LIPA: variants seen among roughly 807,000 people sequenced by gnomAD.
LIPA encodes lysosomal acid lipase/cholesteryl ester hydrolase.
LIPA carries 26 observed loss-of-function variants against 40.6 expected under a neutral mutation model. The observed-to-expected ratio is 0.64, with a 90% CI of 0.47 to 0.89. The LOEUF (loss-of-function observed/expected upper bound fraction) is 0.89. Among genes scored for constraint, LIPA ranks in the 40% least tolerant of loss-of-function variants. The probability of loss-of-function intolerance (pLI) is 0.00; values close to 1 mark genes in which losing one functional copy is unlikely to be tolerated. For synonymous variants in LIPA, 188 were observed against 168.4 expected (o/e 1.12, Z -0.90); for missense variants, 455 against 479.6 (o/e 0.95, Z 0.48).
At chr10:89,318,401 C>G (rs879669769) in intron 1 of LIPA, among the ~76,000 whole-genome samples, 3 of 152,032 alleles carry the variant, frequency 2.0e-5, no homozygotes, top group East Asian at 1.9e-4. Context: ...ATAAAAAAAG[C>G]AGGGTTGCAA....
At chr10:89,397,291 A>G (rs1844357962) in intron 2 of LIPA, among the ~76,000 whole-genome samples, 1 of 150,650 alleles carries the variant, frequency 6.6e-6, no homozygotes, top group Admixed American at 6.6e-5. Flanking sequence ...GAGGAGTGGA[A>G]TTACTTTGTT....
chr10:89,379,596 G>T (rs1018867560), intron 2 of LIPA, among the ~76,000 whole-genome samples: 5 of 152,140 alleles, frequency 3.3e-5, no homozygotes, highest in African/African-American at 1.2e-4. Context: ...GAACTTTACA[G>T]AAAAAGGGGC....
At position 89,259,707 on chromosome 10, in the gene LIPA, AG is replaced by A. The variant is rs146414806; in HGVS notation, c.-1-12059del. Among the ~76,000 whole-genome samples, 1,471 of 152,372 alleles carry A rather than the reference AG, an allele frequency of 9.7e-3. 23 individuals are homozygous for A. Among genetic ancestry groups the A allele is most frequent in the African/African-American group, 0.034 (1,404 of 41,582 alleles). On this transcript the variant is annotated intron_variant, in intron 1 of 5. Transcript: ENST00000282673. Reference sequence around the variant, plus strand: ...CAATGGAATATTACTCTGCAATAAAAGAATAATGATCTTCTGATGCACACAG... The same window carrying A: ...CAATGGAATATTACTCTGCAATAAAAAATAATGATCTTCTGATGCACACAG...
At chr10:89,371,025 C>A (rs1844088686) in intron 2 of LIPA, among the ~76,000 whole-genome samples, 1 of 149,356 alleles carries the variant, frequency 6.7e-6, no homozygotes, top group Non-Finnish European at 1.5e-5. Context: ...CTCAAAAAAA[C>A]AAACAAACAA....
intron 1 of LIPA, among the ~76,000 whole-genome samples, chr10:89,267,796 C>T (rs1440648172): frequency 6.6e-6 from 1 of 151,376 alleles, no homozygotes; most frequent in Non-Finnish European, 1.5e-5. Context: ...TCACTTTCTC[C>T]ATCCTTTCAA....
chr10:89,262,817 C>T lies in LIPA; in HGVS notation c.-1-15168G>A, dbSNP rs75630382. Among the ~76,000 whole-genome samples, 18 of 152,340 alleles carry T rather than the reference C, an allele frequency of 1.2e-4. No homozygotes were observed. In the East Asian group the frequency reaches 3.1e-3, roughly 26 times the overall value. ...ATATTTGTAGTAAATTTCATCAAAA[C>T]AATTCCAAACTCTTTCCTCACATTT... is the stretch of plus-strand genomic sequence containing the variant. On this transcript the variant is annotated intron_variant, in intron 1 of 5. Coordinates refer to the LIPA transcript ENST00000282673.
rs116636781 is a variant in LIPA at position 89,363,023 on chromosome 10, T to C, written c.61+49768A>G. The C allele has an allele frequency of 3.2e-3, 776 of 244,698 alleles. 2 individuals carry two copies. The highest frequency in any genetic ancestry group is 0.017 in the African/African-American group (738 of 44,202). The allele number at this position is 244,698 out of a possible 1,614,324, so 15.2% of individuals were successfully genotyped here. On this transcript the variant is annotated intron_variant, in intron 2 of 8. Coordinates refer to the LIPA transcript ENST00000371837. The stretch of plus-strand genomic sequence containing the variant: ...AGGAAGCTGAAGGAGAAAAGCACAC[T>C]GAAAAAGCTCTAATCAGTATGTCTT...
chr10:89,293,605 G>C (rs1843389624), intron 1 of LIPA: 1 of 151,564 alleles, frequency 6.6e-6, no homozygotes, highest in Non-Finnish European at 1.5e-5. Context: ...GTTGGTTTCT[G>C]GTGAGACCTC....
At chr10:89,254,219 C>A (rs1032142611), upstream of LIPA, among the ~76,000 whole-genome samples, 26 of 152,202 alleles carry the variant, frequency 1.7e-4, no homozygotes, top group African/African-American at 6.0e-4. Context: ...TCCTTGAGGG[C>A]CCCACCCCTG....
At position 89,359,140 on chromosome 10, in the gene LIPA, G is replaced by A. The variant is rs181200399; in HGVS notation, c.61+53651C>T. On this transcript the variant is annotated intron_variant, in intron 2 of 8. Transcript: ENST00000371837. The stretch of plus-strand genomic sequence containing the variant: ...TGGAGAGGAGCAGCCCAACCCGTCC[G>A]TGATCTTGGGCCTCTGAGAATAGAG... 5.8e-4 allele frequency among the ~76,000 whole-genome samples: 89 copies of A among 152,254 alleles called. 1 individual carries two copies. Among genetic ancestry groups the A allele is most frequent in the Admixed American group, 9.8e-4 (15 of 15,292 alleles).
intron 7 of LIPA, 81 bp downstream of exon 7, chr10:89,223,603 C>G (rs970357019): frequency 1.7e-5 from 20 of 1,164,454 alleles, no homozygotes; most frequent in Non-Finnish European, 2.5e-5. Flanking sequence ...AGGTCATTCC[C>G]ACCTCTCCCA....
chr10:89,332,756 C>T (rs1843669222), intron 1 of LIPA: 2 of 961,910 alleles, frequency 2.1e-6, no homozygotes, highest in East Asian at 2.5e-5. Context: ...TCTGCCTTAC[C>T]AATTCATGCA....
intron 1 of LIPA, chr10:89,306,083 GAGTTT>G (rs757858961): frequency 2.5e-6 from 4 of 1,614,150 alleles, no homozygotes; most frequent in Non-Finnish European, 1.7e-6. Context: ...TTACCGGACT[GAGTTT>G]CAGAATCGTG....
rs577955544 is a variant in LIPA, at chr10:89,310,676, C to G, written c.-2+31935G>C. Among the ~76,000 whole-genome samples the G allele has an allele frequency of 5.3e-5, 8 of 152,302 alleles. No homozygotes were observed. The South Asian group carries it at 1.7e-3, about 32-fold the overall frequency. On this transcript the variant is annotated intron_variant, in intron 1 of 5. Coordinates refer to the LIPA transcript ENST00000282673. ...GCACTTGTAAGAGAGGCATTCTCAG[C>G]TCTACATGGGGCCTCCCTTCAGCTG...
At chr10:89,342,500 CAA>C (rs1165005621) in intron 1 of LIPA, 67 of 152,312 alleles carry the variant, frequency 4.4e-4, no homozygotes, top group African/African-American at 1.6e-3. Flanking sequence ...ACCAGAAATA[CAA>C]TTCCTGGGTT....
At chr10:89,372,556 A>G (rs1450520169) in intron 2 of LIPA, among the ~76,000 whole-genome samples, 1 of 152,246 alleles carries the variant, frequency 6.6e-6, no homozygotes, top group Non-Finnish European at 1.5e-5. Context: ...GAGAAGAGGA[A>G]ACATGCCCTA....
At position 89,216,011 on chromosome 10, in the gene LIPA, TA is replaced by T; in HGVS notation, c.895-3del. 6.3e-7 allele frequency: 1 copy of T among 1,599,090 alleles called. No individual in the cohort carries two copies. Among genetic ancestry groups the T allele is most frequent in the Non-Finnish European group, 8.6e-7 (1 of 1,166,266 alleles). ...TTGAAACTTTTGGAATTTAACAGCCTAAAAAGAAGATAATTTGGAAAAGAGT... is the reference window on the plus strand; with the variant it reads ...TTGAAACTTTTGGAATTTAACAGCCTAAAAGAAGATAATTTGGAAAAGAGT... On this transcript the variant is annotated splice_polypyrimidine_tract_variant and splice_region_variant and intron_variant, in intron 8 of 9. Transcript: ENST00000336233.
chr10:89,376,405 T>G lies in LIPA; in HGVS notation c.61+36386A>C, dbSNP rs77715068. Among the ~76,000 whole-genome samples, 140 of 152,276 alleles carry G rather than the reference T, an allele frequency of 9.2e-4. 3 individuals carry two copies. The East Asian group carries it at 0.024, about 26-fold the overall frequency. ...CTTTTCCTAAGATGTCTGCTCTCAT[T>G]TCAACTGTGAATGCATAAGATCTTA... On this transcript the variant is annotated intron_variant, in intron 2 of 8. Transcript: ENST00000371837.
chr10:89,394,513 T>A (rs1389539554), intron 2 of LIPA, among the ~76,000 whole-genome samples: 2 of 150,162 alleles, frequency 1.3e-5, no homozygotes, highest in African/African-American at 4.9e-5. Flanking sequence ...TTATTTCAGA[T>A]GGCAAACTCA....
Sources: gnomAD v4.1 joint callset for allele counts (sites outside exome capture counted in the v4.1 genomes callset) on GRCh38, gnomAD v4.1.1 for gene constraint, MANE v1.5 for transcripts, NCBI Gene and HGNC (gene_info 2026-07-23, HGNC 2026-07-21) for gene names.